DIPK1A: variants seen among roughly 807,000 people sequenced by gnomAD.
The protein encoded by DIPK1A is family with sequence similarity 69 member A.
Under a neutral mutation model 40.8 loss-of-function variants are expected in DIPK1A, and 27 were observed. That is an observed-to-expected ratio of 0.66 (90% CI 0.49 to 0.91). The LOEUF (loss-of-function observed/expected upper bound fraction) is 0.91, where lower values mean the gene tolerates loss of function less well. Among genes scored for constraint, DIPK1A ranks in the 40% least tolerant of loss-of-function variants. The pLI, the probability that DIPK1A is intolerant of heterozygous loss-of-function variation, is 0.00. For synonymous variants in DIPK1A, 166 were observed against 171.3 expected (o/e 0.97, Z 0.24); for missense variants, 412 against 505.7 (o/e 0.81, Z 1.78).
chr1:92,927,497 G>GCA (rs1650567307), intron 1 of DIPK1A, among the ~76,000 whole-genome samples: 1 of 150,098 alleles, frequency 6.7e-6, no homozygotes, highest in Admixed American at 6.7e-5. Context: ...ATGAGCCTCT[G>GCA]CACCTGGCCC....
At chr1:92,878,616 C>T (rs918461338) in intron 1 of DIPK1A, among the ~76,000 whole-genome samples, 1 of 151,988 alleles carries the variant, frequency 6.6e-6, no homozygotes, top group Non-Finnish European at 1.5e-5. Context: ...GTCAGGAGAT[C>T]GAGACCATCC....
At chr1:92,919,857 T>C (rs1170869156) in intron 1 of DIPK1A, among the ~76,000 whole-genome samples, 2 of 152,252 alleles carry the variant, frequency 1.3e-5, no homozygotes, top group Non-Finnish European at 2.9e-5. Flanking sequence ...GTTTGATAAA[T>C]TGATTTGACA....
chr1:92,896,650 C>G (rs1649179864), intron 1 of DIPK1A, among the ~76,000 whole-genome samples: 2 of 151,254 alleles, frequency 1.3e-5, no homozygotes, highest in Non-Finnish European at 3.0e-5. Flanking sequence ...CCAAAATTGA[C>G]AAATGGGATC....
intron 1 of DIPK1A, among the ~76,000 whole-genome samples, chr1:92,924,545 T>C (rs1650410598): frequency 6.6e-6 from 1 of 150,760 alleles, no homozygotes; most frequent in African/African-American, 2.4e-5. Context: ...GGGGGCACCT[T>C]GCCTCTAGTG....
chr1:92,921,677 G>A (rs1021413837), intron 1 of DIPK1A, among the ~76,000 whole-genome samples: 1 of 152,148 alleles, frequency 6.6e-6, no homozygotes, highest in Non-Finnish European at 1.5e-5. Flanking sequence ...TGGGCAGTAG[G>A]TAAGAACAGG....
chr1:92,952,848 G>A (rs374345380), intron 1 of DIPK1A, among the ~76,000 whole-genome samples: 53 of 151,892 alleles, frequency 3.5e-4, no homozygotes, highest in African/African-American at 7.0e-4. Context: ...AAATAAATAA[G>A]GAGTCCCAAT....
At chr1:92,905,893 T>A (rs1239789698) in intron 1 of DIPK1A, among the ~76,000 whole-genome samples, 1 of 152,188 alleles carries the variant, frequency 6.6e-6, no homozygotes, top group African/African-American at 2.4e-5. Context: ...CTTTCCCCAA[T>A]GTATATTCTT....
intron 1 of DIPK1A, among the ~76,000 whole-genome samples, chr1:92,917,719 A>T (rs1281894708): frequency 6.6e-6 from 1 of 152,118 alleles, no homozygotes; most frequent in Non-Finnish European, 1.5e-5. Flanking sequence ...ACACTAGCTC[A>T]ATAGAAGAAT....
intron 1 of DIPK1A, among the ~76,000 whole-genome samples, chr1:92,882,246 G>A (rs1158627121): frequency 6.6e-6 from 1 of 152,136 alleles, no homozygotes; most frequent in Non-Finnish European, 1.5e-5. Flanking sequence ...AAATTAGCTG[G>A]GCATGATGGC....
chr1:92,943,437 G>A (rs922752407), intron 1 of DIPK1A, among the ~76,000 whole-genome samples: 1 of 152,128 alleles, frequency 6.6e-6, no homozygotes, highest in African/African-American at 2.4e-5. Context: ...ACAAGGGAGG[G>A]CAGGAGTGAG....
intron 1 of DIPK1A, among the ~76,000 whole-genome samples, chr1:92,943,517 C>T (rs967854564): frequency 3.7e-4 from 56 of 152,288 alleles, no homozygotes; most frequent in African/African-American, 1.2e-3. Flanking sequence ...GCACCCCCAA[C>T]CACCTCCCCC....
At chr1:92,915,819 C>T (rs1325590712) in intron 1 of DIPK1A, among the ~76,000 whole-genome samples, 1 of 152,000 alleles carries the variant, frequency 6.6e-6, no homozygotes, top group Non-Finnish European at 1.5e-5. Context: ...AATCTGTACA[C>T]AAATATTCAC....
At position 92,843,756 on chromosome 1, in the gene DIPK1A, T is replaced by C; in HGVS notation, c.914A>G (p.Lys305Arg). Reference sequence around the variant, plus strand: ...CATATCCACCATTTTCAAATCATACTTATCATTATATCCTAGGTTTTTGGC... The same window carrying C: ...CATATCCACCATTTTCAAATCATACCTATCATTATATCCTAGGTTTTTGGC... Reference protein sequence around the residue: ...TSAKNLGYNDKYDLKMVDMRK... With the variant: ...TSAKNLGYNDRYDLKMVDMRK... The change falls in exon 5 of 5, where the codon AAG becomes AGG. Residue 305 changes from lysine to arginine, a missense_variant. Lys to Arg is a conservative substitution (Grantham distance 26). Transcript: ENST00000370310. 1 of 1,551,838 alleles carries C rather than the reference T, an allele frequency of 6.4e-7. No individual in the cohort carries two copies. The highest frequency in any genetic ancestry group is 8.7e-7 in the Non-Finnish European group (1 of 1,147,012).
In DIPK1A at chr1:92,894,054, G is replaced by A. The variant is rs1459677855; in HGVS notation, c.55-17624C>T. ...CTTAGACTCCCACACAATAATAATGGGAGACTTTAACACCCCACTGTCAAC... is the reference window on the plus strand; with the variant it reads ...CTTAGACTCCCACACAATAATAATGAGAGACTTTAACACCCCACTGTCAAC... On this transcript the variant is annotated intron_variant, in intron 1 of 4. Transcript: ENST00000370310. Among the ~76,000 whole-genome samples, 4 of 152,068 alleles carry A rather than the reference G, an allele frequency of 2.6e-5. No individual in the cohort carries two copies. The East Asian group carries it at 7.7e-4, about 29-fold the overall frequency.
intron 1 of DIPK1A, among the ~76,000 whole-genome samples, chr1:92,877,774 T>C (rs1197278459): frequency 6.6e-6 from 1 of 152,244 alleles, no homozygotes; most frequent in Non-Finnish European, 1.5e-5. Context: ...CAATGGGGTA[T>C]ATACCATGGG....
intron 2 of DIPK1A, among the ~76,000 whole-genome samples, chr1:92,855,953 C>T (rs1287392207): frequency 1.3e-5 from 2 of 151,822 alleles, no homozygotes; most frequent in Admixed American, 1.3e-4. Flanking sequence ...GGATGCACAC[C>T]TGTGTCCTAG....
intron 2 of DIPK1A, among the ~76,000 whole-genome samples, chr1:92,874,402 AT>A (rs1185254812): frequency 1.3e-5 from 2 of 152,174 alleles, no homozygotes; most frequent in Admixed American, 1.3e-4. Context: ...GATCAAGTAT[AT>A]TTGCTGTCTC....
downstream of DIPK1A, chr1:92,837,209 T>C: frequency 3.1e-6 from 2 of 652,810 alleles, no homozygotes; most frequent in Non-Finnish European, 5.7e-6. Context: ...AATTTTGTAG[T>C]GGTGGAAAGC....
At chr1:92,906,580 A>T (rs1003702771) in intron 1 of DIPK1A, among the ~76,000 whole-genome samples, 2 of 152,160 alleles carry the variant, frequency 1.3e-5, no homozygotes, top group Admixed American at 1.3e-4. Flanking sequence ...TATAAGTATG[A>T]TAATGTATAT....
Sources: gnomAD v4.1 joint callset for allele counts (sites outside exome capture counted in the v4.1 genomes callset) on GRCh38, gnomAD v4.1.1 for gene constraint, MANE v1.5 for transcripts, NCBI Gene and HGNC (gene_info 2026-07-23, HGNC 2026-07-21) for gene names.